SNX18: variants seen among roughly 807,000 people sequenced by gnomAD.
SNX18 encodes sorting nexin-18.
Under a neutral mutation model 48.7 loss-of-function variants are expected in SNX18, and 35 were observed. The ratio of observed to expected loss-of-function variants is 0.72; its 90% CI spans 0.55 to 0.95. The LOEUF (loss-of-function observed/expected upper bound fraction) is 0.95. Ranked by LOEUF, SNX18 falls within the 40% of genes least tolerant of loss-of-function variation. The pLI, the probability that SNX18 is intolerant of heterozygous loss-of-function variation, is 0.00. For synonymous variants in SNX18, 492 were observed against 384.7 expected (o/e 1.28, Z -3.26); for missense variants, 824 against 871.0 (o/e 0.95, Z 0.68).
At chr5:54,528,048 C>G (rs569232333) in intron 1 of SNX18, among the ~76,000 whole-genome samples, 5 of 152,078 alleles carry the variant, frequency 3.3e-5, no homozygotes, top group African/African-American at 9.6e-5. Flanking sequence ...TTTGAAAATG[C>G]TTAAAGTGCC....
At chr5:54,634,984 A>G in the SNX18 span, among the ~76,000 whole-genome samples, 7,913 of 152,142 alleles carry the variant, frequency 0.052, 281 homozygotes, top group Non-Finnish European at 0.081. Flanking sequence ...CAATTTTGCA[A>G]TTTTAAAGCA....
At chr5:54,595,694 G>A in the SNX18 span, among the ~76,000 whole-genome samples, 49,733 of 152,064 alleles carry the variant, frequency 0.33, 9,605 homozygotes, top group Non-Finnish European at 0.42. Flanking sequence ...TGGGACACAC[G>A]TTGTATTGGT....
chr5:54,609,882 A>G, the SNX18 span, among the ~76,000 whole-genome samples: 2 of 152,042 alleles, frequency 1.3e-5, no homozygotes, highest in African/African-American at 4.8e-5. Flanking sequence ...TAGATTTCAC[A>G]TGAATGGTTT....
chr5:54,643,262 C>T, the SNX18 span, among the ~76,000 whole-genome samples: 4 of 152,100 alleles, frequency 2.6e-5, no homozygotes, highest in African/African-American at 7.2e-5. Context: ...TTTTTAGTAT[C>T]CAGTTATTGC....
chr5:54,596,467 GT>G, the SNX18 span, among the ~76,000 whole-genome samples: 1 of 152,112 alleles, frequency 6.6e-6, no homozygotes, highest in African/African-American at 2.4e-5. Flanking sequence ...TGCTAATTTG[GT>G]TGCTGCATGC....
At chr5:54,573,578 C>T in the SNX18 span, among the ~76,000 whole-genome samples, 1 of 152,228 alleles carries the variant, frequency 6.6e-6, no homozygotes, top group East Asian at 1.9e-4. Flanking sequence ...TTTGAGAAAT[C>T]AGAATACAAG....
the SNX18 span, among the ~76,000 whole-genome samples, chr5:54,580,187 G>A: frequency 2.0e-5 from 3 of 151,970 alleles, no homozygotes; most frequent in Non-Finnish European, 4.4e-5. Flanking sequence ...TTTCAAATTC[G>A]TCAATAAAAT....
the SNX18 span, among the ~76,000 whole-genome samples, chr5:54,578,728 T>C: frequency 1.7e-4 from 26 of 152,202 alleles, no homozygotes; most frequent in African/African-American, 6.0e-4. Context: ...CAGCTGTACC[T>C]CCTGCTCTGG....
At chr5:54,579,033 C>A in the SNX18 span, among the ~76,000 whole-genome samples, 3 of 152,264 alleles carry the variant, frequency 2.0e-5, no homozygotes, top group Middle Eastern at 6.8e-3. Flanking sequence ...GCTGAAAACA[C>A]CCTGATGTCA....
chr5:54,598,171 T>A, the SNX18 span, among the ~76,000 whole-genome samples: 70 of 152,226 alleles, frequency 4.6e-4, no homozygotes, highest in African/African-American at 1.7e-3. Context: ...CTCCCAAGAC[T>A]GAACTGGGAA....
the SNX18 span, among the ~76,000 whole-genome samples, chr5:54,562,510 T>C: frequency 6.6e-6 from 1 of 152,162 alleles, no homozygotes; most frequent in Non-Finnish European, 1.5e-5. Flanking sequence ...AAGACTGTAA[T>C]GGAGCCCACA....
intron 1 of SNX18, among the ~76,000 whole-genome samples, chr5:54,525,896 T>C (rs1429937907): frequency 6.6e-6 from 1 of 152,166 alleles, no homozygotes; most frequent in Non-Finnish European, 1.5e-5. Flanking sequence ...CCCTTATCAG[T>C]TGATGTGAAA....
chr5:54,638,547 T>A, the SNX18 span, among the ~76,000 whole-genome samples: 1 of 152,212 alleles, frequency 6.6e-6, no homozygotes, highest in African/African-American at 2.4e-5. Flanking sequence ...GCTTGGTATC[T>A]TCTTTGTTGT....
the SNX18 span, among the ~76,000 whole-genome samples, chr5:54,632,253 T>C: frequency 6.6e-6 from 1 of 152,210 alleles, no homozygotes. Context: ...TTCCCAGAGA[T>C]GTGCAGACGC....
At chr5:54,564,454 T>C in the SNX18 span, among the ~76,000 whole-genome samples, 1 of 152,228 alleles carries the variant, frequency 6.6e-6, no homozygotes. Flanking sequence ...AGTTTTCAAT[T>C]ACTGCTGTAA....
At chr5:54,630,950 A>C in the SNX18 span, among the ~76,000 whole-genome samples, 1 of 152,004 alleles carries the variant, frequency 6.6e-6, no homozygotes, top group African/African-American at 2.4e-5. Flanking sequence ...CTCTATTTCC[A>C]GGCACCCAGA....
the SNX18 span, among the ~76,000 whole-genome samples, chr5:54,587,947 G>A: frequency 6.6e-6 from 1 of 152,160 alleles, no homozygotes; most frequent in African/African-American, 2.4e-5. Context: ...AATGTGATGA[G>A]GCCATCTGCC....
downstream of SNX18, among the ~76,000 whole-genome samples, chr5:54,546,976 G>C (rs1044335629): frequency 6.6e-6 from 1 of 152,224 alleles, no homozygotes; most frequent in African/African-American, 2.4e-5. Flanking sequence ...TAATAGCTAC[G>C]GGACCTGGCA....
chr5:54,581,671 C>T, the SNX18 span, among the ~76,000 whole-genome samples: 3 of 152,088 alleles, frequency 2.0e-5, no homozygotes, highest in East Asian at 3.9e-4. Context: ...TTCCCTTTAG[C>T]GAATGTAGCA....
Sources: gnomAD v4.1 joint callset for allele counts (sites outside exome capture counted in the v4.1 genomes callset) on GRCh38, gnomAD v4.1.1 for gene constraint, MANE v1.5 for transcripts, NCBI Gene and HGNC (gene_info 2026-07-23, HGNC 2026-07-21) for gene names.